Variants in PDE3B observed in about 807,000 individuals in gnomAD.
PDE3B encodes the protein phosphodiesterase 3B.
Under a neutral mutation model 116.8 loss-of-function variants are expected in PDE3B, and 66 were observed. The ratio of observed to expected loss-of-function variants is 0.56; its 90% CI spans 0.46 to 0.69. The LOEUF is 0.69. Among genes scored for constraint, PDE3B ranks in the 30% least tolerant of loss-of-function variants. The pLI is 0.00. For synonymous variants in PDE3B, 595 were observed against 533.6 expected (o/e 1.12, Z -1.59); for missense variants, 1,384 against 1,368.1 (o/e 1.01, Z -0.18).
chr11:14,765,659 G>A (rs1259018252), intron 1 of PDE3B, among the ~76,000 whole-genome samples: 1 of 151,432 alleles, frequency 6.6e-6, no homozygotes, highest in Non-Finnish European at 1.5e-5. Flanking sequence ...AGCACAGAAG[G>A]AAAGAGGTAA....
intron 12 of PDE3B, among the ~76,000 whole-genome samples, chr11:14,847,447 A>G (rs1847634451): frequency 6.6e-6 from 1 of 151,528 alleles, no homozygotes; most frequent in Non-Finnish European, 1.5e-5. Context: ...AAGCAAGAGC[A>G]AACACATTCA....
At chr11:14,898,703 C>CT in the PDE3B span, among the ~76,000 whole-genome samples, 2 of 152,000 alleles carry the variant, frequency 1.3e-5, no homozygotes, top group Admixed American at 6.6e-5. Flanking sequence ...TATGCTCTTT[C>CT]TTTTTTTCTC....
intron 11 of PDE3B, among the ~76,000 whole-genome samples, chr11:14,840,944 G>C (rs1013579600): frequency 6.6e-6 from 1 of 152,144 alleles, no homozygotes; most frequent in African/African-American, 2.4e-5. Flanking sequence ...ATTTGTTTGC[G>C]ATGTGAATGC....
chr11:14,736,517 A>T (rs542462026), intron 1 of PDE3B, among the ~76,000 whole-genome samples: 5 of 152,370 alleles, frequency 3.3e-5, no homozygotes, highest in South Asian at 4.1e-4. Flanking sequence ...ATTAACAGAA[A>T]TAAAGCCCAG....
the PDE3B span, chr11:14,879,058 TAATGAATTATC>T: frequency 7.2e-7 from 1 of 1,380,368 alleles, no homozygotes; most frequent in Non-Finnish European, 1.0e-6. Context: ...ATGCTGTATC[TAATGAATTATC>T]ATTATCCTTT....
intron 1 of PDE3B, among the ~76,000 whole-genome samples, chr11:14,664,574 A>G (rs1183959202): frequency 1.3e-5 from 2 of 152,218 alleles, no homozygotes; most frequent in African/African-American, 2.4e-5. Context: ...ATAAAAAATG[A>G]TAAAGGGGAT....
chr11:14,741,652 G>T (rs1022801087), intron 1 of PDE3B, among the ~76,000 whole-genome samples: 6 of 152,012 alleles, frequency 3.9e-5, no homozygotes, highest in Non-Finnish European at 8.8e-5. Flanking sequence ...TGGTTGTTTT[G>T]CCTGTTAGTT....
chr11:14,823,387 C>T lies in PDE3B; in HGVS notation c.1807+4178C>T, dbSNP rs1260853656. Among the ~76,000 whole-genome samples, 3 of 152,130 alleles carry T rather than the reference C, an allele frequency of 2.0e-5. No homozygotes were observed. The East Asian group carries it at 5.8e-4, about 29-fold the overall frequency. On this transcript the variant is annotated intron_variant, in intron 7 of 15. Transcript: ENST00000282096. ...TTTCAAACTTTGCTGGGATGGAGTT[C>T]CCAGAGGGAGGGGCAAGCTGCCATC... is the stretch of plus-strand genomic sequence containing the variant.
intron 1 of PDE3B, among the ~76,000 whole-genome samples, chr11:14,648,120 A>G (rs1016939019): frequency 2.6e-5 from 4 of 152,116 alleles, no homozygotes; most frequent in African/African-American, 9.6e-5. Flanking sequence ...GAATTAAACA[A>G]GCTACATTTC....
chr11:14,665,913 A>C (rs1452355751), intron 1 of PDE3B, among the ~76,000 whole-genome samples: 2 of 152,216 alleles, frequency 1.3e-5, no homozygotes, highest in African/African-American at 2.4e-5. Context: ...GACTTTCTTC[A>C]CAGAATTGGA....
chr11:14,823,766 A>G (rs920160044), intron 7 of PDE3B, among the ~76,000 whole-genome samples: 1 of 152,200 alleles, frequency 6.6e-6, no homozygotes, highest in Non-Finnish European at 1.5e-5. Context: ...TACCCCCAGC[A>G]TACTGCAGCA....
chr11:14,685,749 C>A (rs902792093), intron 1 of PDE3B, among the ~76,000 whole-genome samples: 1 of 152,122 alleles, frequency 6.6e-6, no homozygotes, highest in Non-Finnish European at 1.5e-5. Flanking sequence ...AGCCACTGCA[C>A]CTGGCCTCAT....
At chr11:14,711,734 G>A (rs971196704) in intron 1 of PDE3B, among the ~76,000 whole-genome samples, 3 of 152,164 alleles carry the variant, frequency 2.0e-5, no homozygotes, top group Non-Finnish European at 4.4e-5. Context: ...TTCAACATGA[G>A]ATTTGTAGGG....
chr11:14,663,580 C>A (rs1259225263), intron 1 of PDE3B, among the ~76,000 whole-genome samples: 1 of 152,108 alleles, frequency 6.6e-6, no homozygotes, highest in Admixed American at 6.5e-5. Flanking sequence ...GGAAGATCTA[C>A]CAAGCCAATG....
chr11:14,826,335 G>T (rs533654180), intron 7 of PDE3B, among the ~76,000 whole-genome samples: 3 of 152,228 alleles, frequency 2.0e-5, no homozygotes, highest in South Asian at 4.1e-4. Flanking sequence ...ACCAGGAGTT[G>T]ATTTTTTGAA....
At chr11:14,880,254 A>G in the PDE3B span, 1 of 1,613,054 alleles carries the variant, frequency 6.2e-7, no homozygotes, top group South Asian at 1.1e-5. Flanking sequence ...CTTTGGAGAA[A>G]GTAGATGATG....
chr11:14,644,156 G>A lies in PDE3B; in HGVS notation c.81G>A (p.Leu27=), dbSNP rs1853287452. 3.1e-6 allele frequency: 5 copies of A among 1,593,850 alleles called. No individual in the cohort carries two copies. The highest frequency in any genetic ancestry group is 4.2e-6 in the Non-Finnish European group (5 of 1,177,218). The change falls in exon 1 of 16, where the codon CTG becomes CTA. Residue 27 remains leucine (L), a synonymous_variant. Transcript: ENST00000282096. ...PDGAGSPPES[L]RNGYVKSCVS... ...GGGCCGGCTCGCCCCCCGAGAGTCT[G>A]AGGAACGGCTACGTGAAGAGCTGCG...
intron 7 of PDE3B, among the ~76,000 whole-genome samples, chr11:14,819,643 A>G (rs1209199914): frequency 6.6e-6 from 1 of 152,176 alleles, no homozygotes; most frequent in Non-Finnish European, 1.5e-5. Context: ...GTTGTTTTAT[A>G]ACCTTAAAAT....
intron 11 of PDE3B, 36 bp from the exon 12 acceptor site, chr11:14,843,791 T>C (rs370243625): frequency 3.4e-5 from 52 of 1,514,950 alleles, no homozygotes; most frequent in Non-Finnish European, 4.7e-5. Context: ...ATTTATGTGC[T>C]AATGCTGGTT....
Sources: allele counts gnomAD v4.1 joint callset (sites outside exome capture counted in the v4.1 genomes callset), GRCh38; gene constraint gnomAD v4.1.1; transcripts MANE v1.5; gene names NCBI Gene and HGNC (gene_info 2026-07-23, HGNC 2026-07-21).